SIPA1L3: variants seen among roughly 807,000 people sequenced by gnomAD.
SIPA1L3 encodes signal-induced proliferation-associated 1-like protein 3.
In SIPA1L3, 59 loss-of-function variants were observed where a neutral mutation model predicts 150.1. That is an observed-to-expected ratio of 0.39 (90% confidence interval 0.32 to 0.49). The LOEUF is 0.49. Ranked by LOEUF, SIPA1L3 falls within the 20% of genes least tolerant of loss-of-function variation. SIPA1L3 has a pLI of 0.86. For synonymous variants in SIPA1L3, 1,070 were observed against 1,077.6 expected, an observed-to-expected ratio of 0.99 and a Z score of 0.14; for missense variants, 2,211 against 2,489.5, an observed-to-expected ratio of 0.89 and a Z score of 2.38.
At chr19:38,007,144 C>G (rs1455332000) in intron 1 of SIPA1L3, among the ~76,000 whole-genome samples, 1 of 152,056 alleles carries the variant, frequency 6.6e-6, no homozygotes, top group Non-Finnish European at 1.5e-5. Context: ...GTGGTGAAAC[C>G]CTGTCTCTAC....
chr19:38,177,234 G>A (rs1389963910), intron 15 of SIPA1L3, among the ~76,000 whole-genome samples: 1 of 151,422 alleles, frequency 6.6e-6, no homozygotes, highest in Non-Finnish European at 1.5e-5. Flanking sequence ...GGTGGTGGGC[G>A]CCTGTAGTCC....
chr19:38,118,968 T>C (rs548548630), intron 8 of SIPA1L3, among the ~76,000 whole-genome samples: 86 of 151,940 alleles, frequency 5.7e-4, no homozygotes, highest in African/African-American at 1.9e-3. Flanking sequence ...GCCCAGGAGG[T>C]AGGATGGCTT....
chr19:38,170,652 C>T (rs781769464), intron 15 of SIPA1L3, among the ~76,000 whole-genome samples: 5 of 152,168 alleles, frequency 3.3e-5, no homozygotes, highest in African/African-American at 4.8e-5. Context: ...CTGGTACGGA[C>T]GGAGGCCCAT....
chr19:37,930,107 C>T (rs1335847769), intron 1 of SIPA1L3, among the ~76,000 whole-genome samples: 1 of 151,380 alleles, frequency 6.6e-6, no homozygotes, highest in Non-Finnish European at 1.5e-5. Flanking sequence ...TCACTGCAAC[C>T]TCTGACTCCC....
chr19:37,937,625 C>G (rs913547620), intron 1 of SIPA1L3, among the ~76,000 whole-genome samples: 19 of 149,940 alleles, frequency 1.3e-4, no homozygotes, highest in African/African-American at 3.9e-4. Context: ...ACTTGTGGTC[C>G]CAGCTACTTA....
Position 38,182,599 on chromosome 19 carries a change from C to A in SIPA1L3, c.4289C>A (p.Ala1430Asp). The A allele has an allele frequency of 6.2e-7, 1 of 1,614,138 alleles. No homozygotes were observed. Among genetic ancestry groups the A allele is most frequent in the African/African-American group, 1.3e-5 (1 of 75,042 alleles). Residue 1430 changes from alanine (A) to aspartate (D), a missense_variant, in exon 16 of 22, where the codon GCC (alanine) becomes GAC (aspartate). Around this residue, in one of 5 missense-constraint regions of SIPA1L3, gnomAD observed 806 missense variants for 870.1 expected, o/e 0.93. Transcript: ENST00000222345. Reference protein sequence around the residue: ...SAETPRPSQLAQPSPFQLSAS... With the variant: ...SAETPRPSQLDQPSPFQLSAS... ...GAGACTCCTCGGCCCTCCCAGCTGG[C>A]CCAGCCCAGCCCCTTTCAGCTCTCC...
At chr19:38,146,168 T>C (rs556836200) in intron 12 of SIPA1L3, among the ~76,000 whole-genome samples, 14 of 152,330 alleles carry the variant, frequency 9.2e-5, no homozygotes, top group African/African-American at 2.9e-4. Flanking sequence ...CCAACCTGTC[T>C]TTTAATTATT....
At chr19:38,110,048 T>TA in intron 7 of SIPA1L3, 179 bp from the exon 8 acceptor site, 1 of 635,260 alleles carries the variant, frequency 1.6e-6, no homozygotes, top group Non-Finnish European at 2.8e-6. Context: ...CTTTGTCCTT[T>TA]ATCCTGAATG....
chr19:38,081,738 C>G lies in SIPA1L3; in HGVS notation c.173C>G (p.Thr58Ser). Reference protein sequence around the residue: ...QPLGESPATATATATATTRPS... With the variant: ...QPLGESPATASATATATTRPS... The stretch of plus-strand genomic sequence containing the variant: ...CTTGGCGAGAGCCCGGCCACCGCCA[C>G]CGCCACCGCCACCGCCACCACCCGC... The change falls in exon 3 of 22, where the codon ACC (threonine) becomes AGC (serine). Residue 58 changes from threonine to serine, a missense_variant. By Grantham distance (58) the Thr-to-Ser change is moderately conservative. Around this residue, in one of 5 missense-constraint regions of SIPA1L3, gnomAD observed 130 missense variants for 174.5 expected, o/e 0.74. Transcript: ENST00000222345. 1.9e-6 allele frequency: 3 copies of G among 1,594,306 alleles called. No individual in the cohort carries two copies. Among genetic ancestry groups the G allele is most frequent in the Non-Finnish European group, 2.6e-6 (3 of 1,172,474 alleles).
intron 10 of SIPA1L3, among the ~76,000 whole-genome samples, chr19:38,133,373 T>A (rs1233960241): frequency 6.6e-6 from 1 of 152,266 alleles, no homozygotes; most frequent in Non-Finnish European, 1.5e-5. Flanking sequence ...TTGGCTGGAA[T>A]GCTTCTAAAA....
At chr19:38,203,458 CT>C (rs1973134502) in intron 20 of SIPA1L3, among the ~76,000 whole-genome samples, 1 of 151,682 alleles carries the variant, frequency 6.6e-6, no homozygotes, top group African/African-American at 2.4e-5. Flanking sequence ...CAGGAAAGGG[CT>C]GCGCGTTCTC....
chr19:37,993,030 CACA>C (rs1332586765), intron 1 of SIPA1L3, among the ~76,000 whole-genome samples: 1 of 152,166 alleles, frequency 6.6e-6, no homozygotes, highest in Non-Finnish European at 1.5e-5. Flanking sequence ...CGGTGCTAAG[CACA>C]GAGGTGGTAC....
chr19:38,192,604 C>T (rs1386403098), intron 17 of SIPA1L3, among the ~76,000 whole-genome samples: 1 of 152,150 alleles, frequency 6.6e-6, no homozygotes, highest in African/African-American at 2.4e-5. Flanking sequence ...TCCTCCAGCC[C>T]AGGATAGAAA....
chr19:37,971,570 GTT>G (rs58050100), intron 1 of SIPA1L3, among the ~76,000 whole-genome samples: 6 of 149,454 alleles, frequency 4.0e-5, no homozygotes, highest in Admixed American at 2.0e-4. Context: ...GTTTTTTGGG[GTT>G]TTTTTTTTGC....
At chr19:38,187,928 G>A (rs571879570) in intron 16 of SIPA1L3, among the ~76,000 whole-genome samples, 1 of 151,534 alleles carries the variant, frequency 6.6e-6, no homozygotes, top group East Asian at 2.0e-4. Flanking sequence ...CCCAGGAAGC[G>A]GAGGTTGCAG....
At chr19:37,984,324 G>A (rs1026768290) in intron 1 of SIPA1L3, among the ~76,000 whole-genome samples, 7 of 152,156 alleles carry the variant, frequency 4.6e-5, no homozygotes, top group Admixed American at 3.9e-4. Flanking sequence ...GTGAGAAGAA[G>A]CATACATCTA....
At chr19:38,101,288 G>A in intron 6 of SIPA1L3, 62 bp downstream of exon 6, 1 of 1,264,530 alleles carries the variant, frequency 7.9e-7, no homozygotes, top group Non-Finnish European at 1.0e-6. Flanking sequence ...AACAGGCAAA[G>A]CTTAAAAGGC....
chr19:38,096,539 G>A (rs756812361), intron 4 of SIPA1L3, among the ~76,000 whole-genome samples: 7 of 152,000 alleles, frequency 4.6e-5, no homozygotes, highest in South Asian at 4.2e-4. Context: ...GTGAGCCACC[G>A]CACCTGGCCT....
At chr19:38,134,197 T>A (rs1971378541) in intron 10 of SIPA1L3, among the ~76,000 whole-genome samples, 1 of 150,414 alleles carries the variant, frequency 6.6e-6, no homozygotes, top group South Asian at 2.1e-4. Flanking sequence ...TTGGCCAGGC[T>A]GGTCTCAAAC....
Sources: gnomAD v4.1 joint callset for allele counts (sites outside exome capture counted in the v4.1 genomes callset) on GRCh38, gnomAD v4.1.1 for gene constraint, gnomAD v4.1.1 regional missense constraint, MANE v1.5 for transcripts, NCBI Gene and HGNC (gene_info 2026-07-23, HGNC 2026-07-21) for gene names.